The following LRCH2 variants were observed in gnomAD, a reference collection of about 807,000 sequenced individuals.
LRCH2 encodes leucine-rich repeat and calponin homology domain-containing protein 2.
LRCH2 carries 38 observed loss-of-function variants against 68.9 expected under a neutral mutation model. The ratio of observed to expected loss-of-function variants is 0.55; its 90% CI spans 0.43 to 0.72. The LOEUF (loss-of-function observed/expected upper bound fraction) is 0.72. Among genes scored for constraint, LRCH2 ranks in the 30% least tolerant of loss-of-function variants. LRCH2 has a pLI of 0.00. For synonymous variants in LRCH2, 191 were observed against 208.1 expected (o/e 0.92, Z 0.71); for missense variants, 528 against 572.9 (o/e 0.92, Z 0.80).
rs183664703 is a variant in LRCH2, at chrX:115,132,004, A to G, written c.1696-1805T>C. 6.8e-4 allele frequency among the ~76,000 whole-genome samples: 76 copies of G among 111,749 alleles called. No individual in the cohort carries two copies. The East Asian group carries it at 0.02, about 30-fold the overall frequency. On this transcript the variant is annotated intron_variant, in intron 14 of 20. Coordinates refer to ENST00000317135, the MANE Select transcript of LRCH2 (RefSeq NM_020871.4). ...GATATTAGCCCTCTGTCAGGTGGGT[A>G]GATTGTAAAAATTTTCTCCCATTCT...
intron 1 of LRCH2, among the ~76,000 whole-genome samples, chrX:115,201,423 A>G (rs2072929125): frequency 1.8e-5 from 2 of 111,986 alleles, no homozygotes; most frequent in African/African-American, 6.5e-5. Flanking sequence ...AAAACATATG[A>G]TCATCTCAAT....
At position 115,195,777 on chromosome X, in the gene LRCH2, G is replaced by T. The variant is rs781783994; in HGVS notation, c.350-7407C>A. Among the ~76,000 whole-genome samples the T allele has an allele frequency of 2.6e-4, 29 of 111,372 alleles. No individual in the cohort carries two copies. In the South Asian group the frequency reaches 0.01, roughly 40 times the overall value. ...TCTTTCTGCAGTCCACTTTCCCACT[G>T]GGGAATCATACAGTCCAGGCCACAG... On this transcript the variant is annotated intron_variant, in intron 1 of 20. Coordinates refer to ENST00000317135, the MANE Select transcript of LRCH2 (RefSeq NM_020871.4).
intron 14 of LRCH2, among the ~76,000 whole-genome samples, chrX:115,147,040 T>C (rs1556536552): frequency 9.1e-6 from 1 of 110,325 alleles, no homozygotes; most frequent in African/African-American, 3.3e-5. Context: ...CAGTCATTTA[T>C]ACGTATTAAG....
chrX:115,122,975 T>A, intron 18 of LRCH2, 78 bp from the exon 19 acceptor site: 1 of 1,093,014 alleles, frequency 9.1e-7, no homozygotes, highest in Non-Finnish European at 1.2e-6. Context: ...TTGTTGTATA[T>A]CCAAACATTT....
At chrX:115,150,882 T>C (rs1569513485) in intron 12 of LRCH2, among the ~76,000 whole-genome samples, 1 of 110,551 alleles carries the variant, frequency 9.0e-6, no homozygotes, top group Non-Finnish European at 1.9e-5. Context: ...TTAAAAGATA[T>C]ATTAGAAAAA....
chrX:115,204,120 T>G (rs941572041), intron 1 of LRCH2, among the ~76,000 whole-genome samples: 3 of 113,121 alleles, frequency 2.7e-5, no homozygotes, highest in Non-Finnish European at 5.6e-5. Flanking sequence ...GCTTGAGGCT[T>G]GCACCCTCTG....
chrX:115,197,847 T>TCTCTCACACACACA (rs782358260), intron 1 of LRCH2, among the ~76,000 whole-genome samples: 1 of 20,569 alleles, frequency 4.9e-5, no homozygotes, highest in African/African-American at 1.9e-4. Flanking sequence ...TCTCTCTCTC[T>TCTCTCACACACACA]CACACACACA....
intron 10 of LRCH2, among the ~76,000 whole-genome samples, chrX:115,164,387 A>G (rs890918089): frequency 8.9e-6 from 1 of 111,753 alleles, no homozygotes; most frequent in African/African-American, 3.2e-5. Flanking sequence ...AAACAGTATC[A>G]AACCATGAAT....
chrX:115,229,039 TAGG>T (rs2073136915), intron 1 of LRCH2, among the ~76,000 whole-genome samples: 1 of 111,468 alleles, frequency 9.0e-6, no homozygotes, highest in Admixed American at 9.6e-5. Flanking sequence ...GTTTCCAAAG[TAGG>T]AGTTCAATAA....
At position 115,191,993 on chromosome X, in the gene LRCH2, G is replaced by A. The variant is rs185220672; in HGVS notation, c.350-3623C>T. 36 of 1,163,712 alleles carry A rather than the reference G, an allele frequency of 3.1e-5. No individual in the cohort carries two copies. The highest frequency in any genetic ancestry group is 1.6e-4 in the African/African-American group (9 of 55,264). ...GACAGTTCCAGCAACAGTTACGACC[G>A]GAGCCACCGCTATGGAGGAGGAGGC... On this transcript the variant is annotated intron_variant, in intron 1 of 20. Transcript: ENST00000317135.
At chrX:115,195,161 G>C (rs1556562754) in intron 1 of LRCH2, among the ~76,000 whole-genome samples, 1 of 109,977 alleles carries the variant, frequency 9.1e-6, no homozygotes, top group Non-Finnish European at 1.9e-5. Flanking sequence ...GCGCACGCCT[G>C]TAATTCCAGC....
At chrX:115,146,372 G>T (rs1367912591) in intron 14 of LRCH2, among the ~76,000 whole-genome samples, 1 of 109,987 alleles carries the variant, frequency 9.1e-6, no homozygotes, top group African/African-American at 3.3e-5. Context: ...AGCGCAATGG[G>T]GTGACTATAG....
At chrX:115,232,138 A>G (rs1009170739) in intron 1 of LRCH2, among the ~76,000 whole-genome samples, 4 of 110,601 alleles carry the variant, frequency 3.6e-5, no homozygotes, top group African/African-American at 9.9e-5. Context: ...TTGGGGAATA[A>G]GGTTGCAACA....
intron 6 of LRCH2, among the ~76,000 whole-genome samples, chrX:115,169,646 G>A (rs782786163): frequency 2.8e-4 from 31 of 111,147 alleles, no homozygotes; most frequent in Non-Finnish European, 4.2e-4. Flanking sequence ...TTTTAGGCAA[G>A]GGCATGGTCT....
chrX:115,186,658 C>T (rs1166808243), intron 2 of LRCH2, among the ~76,000 whole-genome samples: 4 of 110,209 alleles, frequency 3.6e-5, no homozygotes, highest in Admixed American at 9.7e-5. Flanking sequence ...TCACTTTTTC[C>T]GCAAAAGAAC....
At position 115,112,896 on chromosome X, in the gene LRCH2, T is replaced by G. The variant is rs2072053686; in HGVS notation, c.*320A>C. 1 of 137,063 alleles carries G rather than the reference T, an allele frequency of 7.3e-6. No individual in the cohort carries two copies. Among genetic ancestry groups the G allele is most frequent in the Non-Finnish European group, 1.4e-5 (1 of 69,998 alleles). 11.3% of individuals were successfully genotyped at this position (137,063 alleles called of 1,213,427 possible). On this transcript the variant is annotated 3_prime_UTR_variant, in exon 21 of 21. Coordinates refer to ENST00000317135, the MANE Select transcript of LRCH2 (RefSeq NM_020871.4). ...TGCTATGATGTAAAAAAATTAAACC[T>G]AATGTGATTATTAAATTGAAACTAC...
chrX:115,175,229 C>A (rs2072637925), intron 5 of LRCH2, among the ~76,000 whole-genome samples: 1 of 111,205 alleles, frequency 9.0e-6, no homozygotes, highest in Non-Finnish European at 1.9e-5. Context: ...CTCCAGACGC[C>A]CCTCCCCTGT....
intron 14 of LRCH2, among the ~76,000 whole-genome samples, chrX:115,135,776 A>T (rs1377023898): frequency 9.3e-6 from 1 of 107,865 alleles, no homozygotes; most frequent in Non-Finnish European, 1.9e-5. Flanking sequence ...ATATTCACCC[A>T]ATTTTCAGCA....
intron 20 of LRCH2, among the ~76,000 whole-genome samples, chrX:115,117,282 A>T (rs1170744034): frequency 9.0e-6 from 1 of 111,718 alleles, no homozygotes; most frequent in African/African-American, 3.2e-5. Context: ...TTTTTAGAAG[A>T]TTGATCATAC....
Sources: allele counts gnomAD v4.1 joint callset (sites outside exome capture counted in the v4.1 genomes callset), GRCh38; gene constraint gnomAD v4.1.1; transcripts MANE v1.5; gene names NCBI Gene and HGNC (gene_info 2026-07-23, HGNC 2026-07-21).